The following TMEM242 variants were observed in gnomAD, a reference collection of about 807,000 sequenced individuals.
The protein encoded by TMEM242 is transmembrane protein 242.
TMEM242 carries 10 observed loss-of-function variants against 18.2 expected under a neutral mutation model. That is an observed-to-expected ratio of 0.55 (90% CI 0.34 to 0.93). The LOEUF (loss-of-function observed/expected upper bound fraction) is 0.93, where lower values mean the gene tolerates loss of function less well. TMEM242 is among the 40% of genes least tolerant of loss of function. The pLI is 0.02. For synonymous variants in TMEM242, 57 were observed against 69.9 expected, an observed-to-expected ratio of 0.81 and a Z score of 0.92; for missense variants, 186 against 175.5, an observed-to-expected ratio of 1.06 and a Z score of -0.34.
intron 3 of TMEM242, chr6:157,318,375 G>A (rs147282184): frequency 8.5e-4 from 160 of 189,342 alleles, no homozygotes; most frequent in South Asian, 5.7e-3. Flanking sequence ...GACTATAGGC[G>A]CATGCCACCA....
chr6:157,296,887 A>G (rs191668565), intron 3 of TMEM242, among the ~76,000 whole-genome samples: 25 of 152,328 alleles, frequency 1.6e-4, no homozygotes, highest in African/African-American at 5.8e-4. Flanking sequence ...TAGTGCTCAA[A>G]TGGAATGTCA....
intron 2 of TMEM242, among the ~76,000 whole-genome samples, chr6:157,319,992 C>G (rs1258395603): frequency 6.6e-6 from 1 of 152,180 alleles, no homozygotes; most frequent in African/African-American, 2.4e-5. Context: ...GCTAAGCACT[C>G]AAATATTAGA....
Position 157,314,776 on chromosome 6 carries a change from T to A in TMEM242, c.327+4006A>T, listed in dbSNP as rs1479179913. The stretch of plus-strand genomic sequence containing the variant: ...GTGAAATGAAATTCCAGAATAATTA[T>A]GAATAAACAAACAGTAAAACCAAAA... On this transcript the variant is annotated intron_variant, in intron 3 of 3. Coordinates refer to ENST00000400788, the MANE Select transcript of TMEM242 (RefSeq NM_018452.6). Among the ~76,000 whole-genome samples the A allele has an allele frequency of 2.0e-5, 3 of 152,386 alleles. No homozygotes were observed. The East Asian group carries it at 5.8e-4, about 29-fold the overall frequency.
intron 2 of TMEM242, among the ~76,000 whole-genome samples, chr6:157,320,998 C>CTT (rs201521248): frequency 5.2e-5 from 7 of 135,576 alleles, no homozygotes; most frequent in African/African-American, 8.2e-5. Flanking sequence ...TTTCCCATTT[C>CTT]TTTTTTTTTT....
intron 3 of TMEM242, among the ~76,000 whole-genome samples, chr6:157,312,889 C>G (rs1554249490): frequency 4.6e-5 from 7 of 152,074 alleles, no homozygotes; most frequent in African/African-American, 9.6e-5. Context: ...CACCTAGCCT[C>G]ATCATAGTGT....
chr6:157,322,878 A>C (rs1778517991), intron 1 of TMEM242, 73 bp from the exon 2 acceptor site: 3 of 1,280,668 alleles, frequency 2.3e-6, no homozygotes, highest in African/African-American at 1.5e-5. Flanking sequence ...AGATGTACAA[A>C]AGTAAGTTTA....
chr6:157,318,653 C>T (rs782607167), intron 3 of TMEM242, 129 bp downstream of exon 3: 12 of 1,017,900 alleles, frequency 1.2e-5, no homozygotes, highest in East Asian at 1.0e-4. Flanking sequence ...AATTTAGTCA[C>T]GTACTCTGTC....
intron 2 of TMEM242, among the ~76,000 whole-genome samples, chr6:157,320,998 C>CTTTTTTT (rs201521248): frequency 4.4e-5 from 6 of 135,590 alleles, no homozygotes; most frequent in Non-Finnish European, 6.3e-5. Context: ...TTTCCCATTT[C>CTTTTTTT]TTTTTTTTTT....
intron 3 of TMEM242, among the ~76,000 whole-genome samples, chr6:157,314,044 C>T (rs587712996): frequency 2.3e-5 from 2 of 86,830 alleles, no homozygotes; most frequent in African/African-American, 9.0e-5. Context: ...CCGGCCTCGT[C>T]ATAGTGCCGC....
At chr6:157,304,462 C>CAAAAAAAAAAA (rs782782714) in intron 3 of TMEM242, among the ~76,000 whole-genome samples, 1 of 67,260 alleles carries the variant, frequency 1.5e-5, no homozygotes, top group African/African-American at 5.5e-5. Context: ...GAGACTCTGT[C>CAAAAAAAAAAA]AAAAAAAAAA....
intron 3 of TMEM242, among the ~76,000 whole-genome samples, chr6:157,307,853 A>G (rs879964317): frequency 3.3e-5 from 5 of 152,204 alleles, no homozygotes; most frequent in Non-Finnish European, 5.9e-5. Context: ...GAAGAAGTGG[A>G]AACGAGGCCG....
intron 3 of TMEM242, among the ~76,000 whole-genome samples, chr6:157,304,462 C>CA (rs782782714): frequency 0.011 from 714 of 67,248 alleles, 72 homozygotes; most frequent in African/African-American, 0.016. Flanking sequence ...GAGACTCTGT[C>CA]AAAAAAAAAA....
chr6:157,309,973 A>G (rs1777973271), intron 3 of TMEM242, among the ~76,000 whole-genome samples: 1 of 152,142 alleles, frequency 6.6e-6, no homozygotes, highest in Admixed American at 6.5e-5. Flanking sequence ...CCTTTGAGAT[A>G]ACCACCTCCC....
At chr6:157,312,421 T>C (rs782105917) in intron 3 of TMEM242, among the ~76,000 whole-genome samples, 4 of 150,394 alleles carry the variant, frequency 2.7e-5, no homozygotes, top group Non-Finnish European at 4.4e-5. Context: ...AGCCTCATCA[T>C]AGTGTCACAG....
At chr6:157,297,367 G>A (rs9347718) in intron 3 of TMEM242, among the ~76,000 whole-genome samples, 101,362 of 152,130 alleles carry the variant, frequency 0.67, 35,497 homozygotes, top group East Asian at 0.96. Flanking sequence ...ATGCTGAAAA[G>A]TTACTTAAAA....
intron 3 of TMEM242, among the ~76,000 whole-genome samples, chr6:157,295,684 C>T (rs143204709): frequency 8.7e-4 from 132 of 152,198 alleles, no homozygotes; most frequent in African/African-American, 3.0e-3. Context: ...TCTAATTTCT[C>T]AAATATTAAA....
At chr6:157,321,146 C>G (rs1488395247) in intron 2 of TMEM242, among the ~76,000 whole-genome samples, 1 of 151,794 alleles carries the variant, frequency 6.6e-6, no homozygotes, top group Admixed American at 6.6e-5. Context: ...GTAGCTGGGA[C>G]TACAGGCACC....
intron 3 of TMEM242, among the ~76,000 whole-genome samples, chr6:157,294,347 CT>C (rs587765277): frequency 0.03 from 3,409 of 115,198 alleles, 20 homozygotes; most frequent in Non-Finnish European, 0.039. Context: ...CAAGTCATTT[CT>C]TTTTTTTTTT....
chr6:157,307,583 A>C (rs1777932395), intron 3 of TMEM242, among the ~76,000 whole-genome samples: 4 of 152,176 alleles, frequency 2.6e-5, no homozygotes, highest in African/African-American at 4.8e-5. Context: ...TTGTCCACAT[A>C]TGCATCAAGT....
Sources: allele counts gnomAD v4.1 joint callset (sites outside exome capture counted in the v4.1 genomes callset), GRCh38; gene constraint gnomAD v4.1.1; transcripts MANE v1.5; gene names NCBI Gene and HGNC (gene_info 2026-07-23, HGNC 2026-07-21).